Variants in SIRPG observed in about 807,000 individuals in gnomAD.
SIRPG encodes signal-regulatory protein gamma.
Under a neutral mutation model 35.7 loss-of-function variants are expected in SIRPG, and 38 were observed. That is an observed-to-expected ratio of 1.06 (90% CI 0.82 to 1.40). The LOEUF (loss-of-function observed/expected upper bound fraction) is 1.40. Among genes scored for constraint, SIRPG ranks in the 40% most tolerant of loss-of-function variants. The probability of loss-of-function intolerance (pLI) is 0.00; values close to 1 mark genes in which losing one functional copy is unlikely to be tolerated. For missense variants in SIRPG, 519 were observed against 483.0 expected, an observed-to-expected ratio of 1.07 and a Z score of -0.70; for synonymous variants, 215 against 190.4, an observed-to-expected ratio of 1.13 and a Z score of -1.06.
chr20:1,652,509 G>A (rs558961640), intron 1 of SIRPG, among the ~76,000 whole-genome samples: 1 of 152,148 alleles, frequency 6.6e-6, no homozygotes, highest in South Asian at 2.1e-4. Context: ...ATGAACAAGT[G>A]GTATTTATTC....
chr20:1,670,299 G>T, the SIRPG span: 9 of 202,672 alleles, frequency 4.4e-5, no homozygotes, highest in Non-Finnish European at 8.0e-5. Flanking sequence ...CACAGGGAGG[G>T]CTCCATAAAG....
chr20:1,663,518 T>C, the SIRPG span, among the ~76,000 whole-genome samples: 1 of 152,168 alleles, frequency 6.6e-6, no homozygotes, highest in Non-Finnish European at 1.5e-5. Flanking sequence ...CTTTAAGGAA[T>C]TTTGCAATCT....
the SIRPG span, among the ~76,000 whole-genome samples, chr20:1,673,620 C>T: frequency 1.3e-5 from 2 of 151,794 alleles, no homozygotes; most frequent in Non-Finnish European, 2.9e-5. Flanking sequence ...ATGACAAACC[C>T]AAATGACAAA....
intron 1 of SIRPG, 28 bp downstream of exon 1, chr20:1,657,614 A>T (rs1272113742): frequency 1.2e-6 from 2 of 1,611,604 alleles, no homozygotes; most frequent in Non-Finnish European, 1.7e-6. Flanking sequence ...AGCAGGGAGA[A>T]AGGGTTCTAG....
chr20:1,668,225 T>TTCTTTCTTTCTTTCTG, the SIRPG span, among the ~76,000 whole-genome samples: 1 of 128,464 alleles, frequency 7.8e-6, no homozygotes, highest in South Asian at 2.4e-4. Context: ...CTTTCTTTCT[T>TTCTTTCTTTCTTTCTG]TCTTTCTTTC....
chr20:1,639,450 A>G (rs1272483387), intron 2 of SIRPG, among the ~76,000 whole-genome samples: 1 of 151,994 alleles, frequency 6.6e-6, no homozygotes, highest in Non-Finnish European at 1.5e-5. Context: ...TATACTTTGC[A>G]TACTTTTTGA....
At chr20:1,679,420 C>T in the SIRPG span, among the ~76,000 whole-genome samples, 1 of 152,122 alleles carries the variant, frequency 6.6e-6, no homozygotes, top group Non-Finnish European at 1.5e-5. Context: ...TCTGCTGTGA[C>T]CTAGTAGAGT....
the SIRPG span, among the ~76,000 whole-genome samples, chr20:1,679,706 A>G: frequency 3.3e-5 from 5 of 152,180 alleles, no homozygotes; most frequent in Non-Finnish European, 7.4e-5. Flanking sequence ...CCCAATCAGC[A>G]GGACTTACTC....
intron 2 of SIRPG, among the ~76,000 whole-genome samples, chr20:1,645,021 T>C (rs566527740): frequency 2.0e-5 from 3 of 152,200 alleles, no homozygotes; most frequent in Non-Finnish European, 2.9e-5. Context: ...TCTTGGTGTT[T>C]TGAGGCAGGG....
At chr20:1,649,573 A>G (rs751845743) in intron 1 of SIRPG, among the ~76,000 whole-genome samples, 165 bp from the exon 2 acceptor site, 1 of 150,788 alleles carries the variant, frequency 6.6e-6, no homozygotes, top group African/African-American at 2.4e-5. Flanking sequence ...CAACATGCCT[A>G]TAACATAAGA....
intron 4 of SIRPG, among the ~76,000 whole-genome samples, chr20:1,634,959 C>T (rs185614446): frequency 9.8e-4 from 149 of 151,664 alleles, no homozygotes; most frequent in African/African-American, 3.2e-3. Flanking sequence ...AGGAGAATGG[C>T]GTGAACCCGG....
At chr20:1,649,531 C>T in intron 1 of SIRPG, 123 bp from the exon 2 acceptor site, 1 of 810,216 alleles carries the variant, frequency 1.2e-6, no homozygotes, top group Non-Finnish European at 2.0e-6. Context: ...TTGATCTCAG[C>T]ACACTGCATG....
chr20:1,680,838 T>C, the SIRPG span, among the ~76,000 whole-genome samples: 2 of 152,166 alleles, frequency 1.3e-5, no homozygotes, highest in Non-Finnish European at 2.9e-5. Flanking sequence ...TCTTGTTTTT[T>C]TGGCACTATC....
chr20:1,674,301 C>G, the SIRPG span, among the ~76,000 whole-genome samples: 1 of 152,008 alleles, frequency 6.6e-6, no homozygotes, highest in East Asian at 1.9e-4. Context: ...CCCCATGTAT[C>G]CTTGAGGCCT....
At chr20:1,629,950 C>T (rs1015667588) in intron 5 of SIRPG, among the ~76,000 whole-genome samples, 1 of 152,188 alleles carries the variant, frequency 6.6e-6, no homozygotes, top group African/African-American at 2.4e-5. Context: ...CTACAGATAG[C>T]CTGCAAGGGA....
chr20:1,660,104 A>G (rs187067900), upstream of SIRPG, among the ~76,000 whole-genome samples: 663 of 152,374 alleles, frequency 4.4e-3, 8 homozygotes, highest in African/African-American at 0.016. Flanking sequence ...AAATTCATAA[A>G]CCAACATCAG....
chr20:1,633,185 G>A (rs1008623650), intron 4 of SIRPG, among the ~76,000 whole-genome samples: 10 of 151,982 alleles, frequency 6.6e-5, no homozygotes, highest in Admixed American at 2.0e-4. Context: ...ACGAGTTACC[G>A]GAACTCACCC....
At chr20:1,636,062 G>T in intron 3 of SIRPG, 126 bp downstream of exon 3, 3 of 1,351,518 alleles carry the variant, frequency 2.2e-6, no homozygotes, top group Non-Finnish European at 3.1e-6. Context: ...CTAGGTGCAT[G>T]GCGGGCGGGC....
At chr20:1,685,801 C>A in the SIRPG span, among the ~76,000 whole-genome samples, 2 of 152,162 alleles carry the variant, frequency 1.3e-5, no homozygotes, top group African/African-American at 4.8e-5. Flanking sequence ...AAACATTGCT[C>A]CCCTGCCCAA....
Sources: allele counts gnomAD v4.1 joint callset (sites outside exome capture counted in the v4.1 genomes callset), GRCh38; gene constraint gnomAD v4.1.1; transcripts MANE v1.5; gene names NCBI Gene and HGNC (gene_info 2026-07-23, HGNC 2026-07-21).